Variants in RABGEF1 observed in about 807,000 individuals in gnomAD.
RABGEF1 encodes rab5 GDP/GTP exchange factor.
In RABGEF1, 26 loss-of-function variants were observed where a neutral mutation model predicts 57.3. The ratio of observed to expected loss-of-function variants is 0.45; its 90% CI spans 0.33 to 0.63. The LOEUF (loss-of-function observed/expected upper bound fraction) is 0.63. Ranked by LOEUF, RABGEF1 falls within the 20% of genes least tolerant of loss-of-function variation. The pLI, the probability that RABGEF1 is intolerant of heterozygous loss-of-function variation, is 0.02. For missense variants in RABGEF1, 464 were observed against 607.6 expected, an observed-to-expected ratio of 0.76 and a Z score of 2.48; for synonymous variants, 185 against 210.7, an observed-to-expected ratio of 0.88 and a Z score of 1.06.
upstream of RABGEF1, among the ~76,000 whole-genome samples, chr7:66,738,842 T>C: frequency 6.6e-6 from 1 of 152,014 alleles, no homozygotes; most frequent in East Asian, 1.9e-4. Context: ...TTAAAGTAAA[T>C]GTTATTCTGT....
intron 7 of RABGEF1, 123 bp from the exon 8 acceptor site, chr7:66,805,017 T>G: frequency 9.0e-7 from 1 of 1,113,292 alleles, no homozygotes; most frequent in Non-Finnish European, 1.3e-6. Context: ...TATACTAAGT[T>G]AACTGCTGGA....
intron 1 of RABGEF1, among the ~76,000 whole-genome samples, chr7:66,761,993 G>C (rs943540157): frequency 6.6e-6 from 1 of 152,060 alleles, no homozygotes; most frequent in Non-Finnish European, 1.5e-5. Context: ...AGCGAAGGTT[G>C]CAGTGAGCTG....
the RABGEF1 span, among the ~76,000 whole-genome samples, chr7:66,670,432 GATTTTTT>G: frequency 9.9e-6 from 1 of 100,686 alleles, no homozygotes; most frequent in African/African-American, 4.0e-5. Context: ...TGAATGAGAT[GATTTTTT>G]TTTTTTTTTT....
chr7:66,763,153 G>C (rs559351056), intron 1 of RABGEF1, among the ~76,000 whole-genome samples: 1 of 152,178 alleles, frequency 6.6e-6, no homozygotes, highest in African/African-American at 2.4e-5. Context: ...GTGAGCCATT[G>C]CCCCTAGTCC....
At chr7:66,658,038 G>C in the RABGEF1 span, among the ~76,000 whole-genome samples, 1 of 152,096 alleles carries the variant, frequency 6.6e-6, no homozygotes, top group Non-Finnish European at 1.5e-5. Flanking sequence ...TTTTTAGCTA[G>C]ATTGACTAAG....
At chr7:66,693,120 G>T (rs543801748) in intron 1 of RABGEF1, among the ~76,000 whole-genome samples, 2 of 152,266 alleles carry the variant, frequency 1.3e-5, no homozygotes, top group African/African-American at 4.8e-5. Context: ...CTTCTTCATG[G>T]ACAGAGCATT....
chr7:66,798,246 A>C (rs1303856582), intron 6 of RABGEF1, among the ~76,000 whole-genome samples: 5 of 152,184 alleles, frequency 3.3e-5, no homozygotes, highest in African/African-American at 1.2e-4. Context: ...CCAGTCTTCC[A>C]GGCTCACTGG....
intron 1 of RABGEF1, among the ~76,000 whole-genome samples, chr7:66,759,200 T>A (rs1404920685): frequency 6.6e-6 from 1 of 152,228 alleles, no homozygotes; most frequent in Non-Finnish European, 1.5e-5. Flanking sequence ...CCCCCAGGTT[T>A]CGTAATTCGT....
At chr7:66,701,981 A>C (rs1437257077) in intron 1 of RABGEF1, among the ~76,000 whole-genome samples, 2 of 152,208 alleles carry the variant, frequency 1.3e-5, no homozygotes. Context: ...GTACATCCAC[A>C]ATATTGTGCA....
intron 1 of RABGEF1, among the ~76,000 whole-genome samples, chr7:66,767,468 C>T (rs2129100504): frequency 6.6e-6 from 1 of 152,352 alleles, no homozygotes; most frequent in South Asian, 2.1e-4. Context: ...TTTATAGTCA[C>T]ATTCTTTCCT....
At chr7:66,758,541 C>T (rs759963743) in intron 1 of RABGEF1, among the ~76,000 whole-genome samples, 9 of 152,226 alleles carry the variant, frequency 5.9e-5, no homozygotes, top group Non-Finnish European at 1.2e-4. Flanking sequence ...CTCCTGGAAG[C>T]AGTGCTGGTG....
chr7:66,798,025 G>A (rs1427385676), intron 6 of RABGEF1, among the ~76,000 whole-genome samples: 2 of 152,210 alleles, frequency 1.3e-5, no homozygotes, highest in African/African-American at 2.4e-5. Context: ...GCTAAGGCAC[G>A]AGAATGGCTT....
chr7:66,696,900 C>T (rs577364561), intron 1 of RABGEF1, among the ~76,000 whole-genome samples: 72 of 152,010 alleles, frequency 4.7e-4, no homozygotes, highest in Non-Finnish European at 9.6e-4. Flanking sequence ...GTGCAGGTTC[C>T]CTTGGTGATG....
intron 4 of RABGEF1, among the ~76,000 whole-genome samples, chr7:66,785,121 A>G (rs1810856374): frequency 6.6e-6 from 1 of 152,186 alleles, no homozygotes; most frequent in African/African-American, 2.4e-5. Context: ...CAGAAGTGTG[A>G]TGTGTTCTTA....
At chr7:66,688,984 T>G (rs1185569184) in intron 1 of RABGEF1, among the ~76,000 whole-genome samples, 2 of 152,036 alleles carry the variant, frequency 1.3e-5, no homozygotes, top group South Asian at 2.1e-4. Context: ...TCCCAGCTAC[T>G]TGGGAGGCTG....
chr7:66,709,949 G>T (rs1794585248), intron 1 of RABGEF1, among the ~76,000 whole-genome samples: 1 of 152,190 alleles, frequency 6.6e-6, no homozygotes, highest in Non-Finnish European at 1.5e-5. Context: ...ATGAAATGCA[G>T]TTCTACCAAA....
the RABGEF1 span, among the ~76,000 whole-genome samples, chr7:66,660,123 G>A: frequency 1.3e-5 from 2 of 151,210 alleles, no homozygotes; most frequent in South Asian, 2.1e-4. Context: ...CAAGGCCGGC[G>A]GATCACGAGG....
In RABGEF1 at chr7:66,805,217, A is replaced by G. The variant is rs781418035; in HGVS notation, c.898A>G (p.Asn300Asp). Residue 300 changes from asparagine (N) to aspartate (D), a missense_variant, in exon 8 of 9, where the codon AAT becomes GAT. Around this residue, in one of 4 missense-constraint regions of RABGEF1, gnomAD observed 284 missense variants for 389.9 expected, o/e 0.73. Transcript: ENST00000284957. ...CITKCSKHIF[N>D]AIKITKNEPA... is the part of the protein sequence containing the mutation. Reference sequence around the variant, plus strand: ...CACCAAGTGCAGCAAGCACATCTTCAATGCCATCAAGATCACCAAGAATGA... The same window carrying G: ...CACCAAGTGCAGCAAGCACATCTTCGATGCCATCAAGATCACCAAGAATGA... The G allele has an allele frequency of 1.4e-4, 219 of 1,614,054 alleles. No individual in the cohort carries two copies. The highest frequency in any genetic ancestry group is 1.7e-4 in the Non-Finnish European group (204 of 1,180,018).
chr7:66,693,842 C>G (rs920511063), intron 1 of RABGEF1, among the ~76,000 whole-genome samples: 4 of 149,850 alleles, frequency 2.7e-5, no homozygotes, highest in Admixed American at 6.6e-5. Flanking sequence ...GGGTCTCACT[C>G]TGTCACCCAG....
Sources: gnomAD v4.1 joint callset for allele counts (sites outside exome capture counted in the v4.1 genomes callset) on GRCh38, gnomAD v4.1.1 for gene constraint, gnomAD v4.1.1 regional missense constraint, MANE v1.5 for transcripts, NCBI Gene and HGNC (gene_info 2026-07-23, HGNC 2026-07-21) for gene names.